CBLB: variants seen among roughly 807,000 people sequenced by gnomAD.
The protein encoded by CBLB is Cbl proto-oncogene B, also known as E3 ubiquitin-protein ligase CBL-B.
In CBLB, 31 loss-of-function variants were observed where a neutral mutation model predicts 104.9. The ratio of observed to expected loss-of-function variants is 0.30; its 90% CI spans 0.22 to 0.40. The LOEUF is 0.40. Ranked by LOEUF, CBLB falls within the 10% of genes least tolerant of loss-of-function variation. The probability of loss-of-function intolerance (pLI) is 1.00; values close to 1 mark genes in which losing one functional copy is unlikely to be tolerated. For missense variants in CBLB, 1,062 were observed against 1,214.6 expected, an observed-to-expected ratio of 0.87 and a Z score of 1.87; for synonymous variants, 440 against 422.6, an observed-to-expected ratio of 1.04 and a Z score of -0.51.
At chr3:105,665,404 A>ATGT (rs1559733767) in intron 18 of CBLB, among the ~76,000 whole-genome samples, 1 of 62,488 alleles carries the variant, frequency 1.6e-5, no homozygotes, top group African/African-American at 6.0e-5. Context: ...TAAATAAATA[A>ATGT]ATAAATAAAT....
At chr3:105,757,185 T>G (rs186354701) in intron 4 of CBLB, among the ~76,000 whole-genome samples, 26 of 152,296 alleles carry the variant, frequency 1.7e-4, no homozygotes, top group Non-Finnish European at 1.9e-4. Flanking sequence ...GTTAGGTTGT[T>G]TTAGCAGTGC....
At chr3:105,707,172 C>A (rs1576493679) in intron 10 of CBLB, among the ~76,000 whole-genome samples, 1 of 152,136 alleles carries the variant, frequency 6.6e-6, no homozygotes, top group African/African-American at 2.4e-5. Flanking sequence ...AAAGTAATAA[C>A]CTTGAACTTT....
At position 105,681,814 on chromosome 3, in the gene CBLB, A is replaced by G; in HGVS notation, c.2206T>C (p.Cys736Arg). The part of the protein sequence containing the change: ...CHNVKPPVRS[C>R]DNGHCMLNGT... ...TTCAGCATACAGTGACCATTATCAC[A>G]AGACCTAAAGGACAGTTCAGAGTAA... Residue 736 changes from cysteine (C) to arginine (R), a missense_variant, in exon 15 of 19, where the codon TGT (cysteine) becomes CGT (arginine). This residue lies in a region of CBLB where 605 missense variants were observed against 582.6 expected (regional missense o/e 1.04). Transcript: ENST00000394030. 1.9e-6 allele frequency: 3 copies of G among 1,586,886 alleles called. No individual in the cohort carries two copies. Among genetic ancestry groups the G allele is most frequent in the Non-Finnish European group, 2.6e-6 (3 of 1,155,822 alleles).
At chr3:105,815,351 G>C (rs115123903) in intron 3 of CBLB, among the ~76,000 whole-genome samples, 193 of 152,210 alleles carry the variant, frequency 1.3e-3, no homozygotes, top group South Asian at 2.1e-3. Flanking sequence ...AGGATGATTA[G>C]CAAAAAACAC....
intron 9 of CBLB, among the ~76,000 whole-genome samples, chr3:105,721,020 C>T (rs1243333935): frequency 2.6e-5 from 4 of 152,192 alleles, no homozygotes; most frequent in Non-Finnish European, 1.5e-5. Context: ...ATTAAAAATT[C>T]ACAATTTGCA....
At chr3:105,843,166 T>G (rs1028338071) in intron 3 of CBLB, among the ~76,000 whole-genome samples, 1 of 152,238 alleles carries the variant, frequency 6.6e-6, no homozygotes, top group Admixed American at 6.5e-5. Context: ...TCTGGCTCTG[T>G]ACAGTTTGCT....
chr3:105,739,325 T>C (rs2075287740), intron 7 of CBLB, among the ~76,000 whole-genome samples: 3 of 152,236 alleles, frequency 2.0e-5, no homozygotes, highest in Non-Finnish European at 2.9e-5. Context: ...ACTCAAATCA[T>C]TTGCTCTTTG....
intron 2 of CBLB, among the ~76,000 whole-genome samples, chr3:105,859,098 C>T (rs372235510): frequency 7.2e-5 from 11 of 152,108 alleles, no homozygotes; most frequent in East Asian, 1.9e-4. Context: ...TTTCTGACTG[C>T]GCCTTAATTA....
chr3:105,831,062 G>C (rs966955820), intron 3 of CBLB, among the ~76,000 whole-genome samples: 12 of 152,016 alleles, frequency 7.9e-5, no homozygotes, highest in Non-Finnish European at 5.9e-5. Flanking sequence ...TTCCTTTCTT[G>C]TTTTATTTTT....
intron 8 of CBLB, among the ~76,000 whole-genome samples, chr3:105,735,415 AGGAAAAATAT>A (rs2074805965): frequency 6.6e-6 from 1 of 152,238 alleles, no homozygotes; most frequent in Non-Finnish European, 1.5e-5. Flanking sequence ...GACTGTCCAA[AGGAAAAATAT>A]GCAATTATAA....
Position 105,798,534 on chromosome 3 carries a change from A to G in CBLB, c.420-21992T>C, listed in dbSNP as rs372232537. 1.8e-3 allele frequency among the ~76,000 whole-genome samples: 268 copies of G among 152,338 alleles called. 1 individual carries two copies. The highest frequency in any genetic ancestry group is 4.8e-3 in the African/African-American group (199 of 41,576). The stretch of plus-strand genomic sequence containing the variant: ...AAGGCATTATCTTCCCTTACAAATC[A>G]TTAACAAAAACATCTGATCATACAG... On this transcript the variant is annotated intron_variant, in intron 3 of 18. Transcript: ENST00000394030.
intron 9 of CBLB, among the ~76,000 whole-genome samples, chr3:105,728,320 T>C (rs747390358): frequency 7.9e-5 from 12 of 152,046 alleles, no homozygotes; most frequent in Non-Finnish European, 1.6e-4. Flanking sequence ...GCACCAATAA[T>C]AGACAAACAG....
In CBLB at chr3:105,702,204, G is replaced by A. The variant is rs2069236097; in HGVS notation, c.1849C>T (p.Pro617Ser). The A allele has an allele frequency of 6.2e-7, 1 of 1,614,116 alleles. No individual in the cohort carries two copies. The highest frequency in any genetic ancestry group is 1.1e-5 in the South Asian group (1 of 91,076). Residue 617 changes from proline to serine, a missense_variant, in exon 12 of 19, where the codon CCT (proline) becomes TCT (serine). By Grantham distance (74) the Pro-to-Ser change is moderately conservative. This residue lies in a region of CBLB where 605 missense variants were observed against 582.6 expected (regional missense o/e 1.04). Transcript: ENST00000394030. ...ACATTTGAACTCGCTGTGATTCCAG[G>A]TTTTGGAGAGCCCTCCCCTAGGAGT... ...CRLLGEGSPK[P>S]GITASSNVNG... is the part of the protein sequence containing the mutation.
rs1189087233 is a variant in CBLB at position 105,776,411 on chromosome 3, T to C, written c.551A>G (p.Lys184Arg). 1.2e-6 allele frequency: 2 copies of C among 1,613,654 alleles called. No homozygotes were observed. Among genetic ancestry groups the C allele is most frequent in the Admixed American group, 3.3e-5 (2 of 60,008 alleles). ...TTTTACTTACTTGTCTCCAAAAAAC[T>C]TTCTCCAGAATTCAGCAGCATCTGC... ...TKADAAEFWRKFFGDKTIVPW... is the reference protein window; with the variant it reads ...TKADAAEFWRRFFGDKTIVPW... Residue 184 changes from lysine (K) to arginine (R), a missense_variant, in exon 4 of 19, where the codon AAG (lysine) becomes AGG (arginine). Physicochemically the swap from Lys to Arg is conservative, Grantham distance 26. Around this residue, in one of 2 missense-constraint regions of CBLB, gnomAD observed 457 missense variants for 632.0 expected, o/e 0.72. Transcript: ENST00000394030.
At chr3:105,807,836 C>G (rs895696633) in intron 3 of CBLB, among the ~76,000 whole-genome samples, 6 of 152,108 alleles carry the variant, frequency 3.9e-5, no homozygotes, top group African/African-American at 1.4e-4. Flanking sequence ...GGTGTAACTC[C>G]ATGAATTATT....
intron 10 of CBLB, among the ~76,000 whole-genome samples, chr3:105,712,122 T>C (rs1174298592): frequency 6.6e-6 from 1 of 152,190 alleles, no homozygotes; most frequent in Non-Finnish European, 1.5e-5. Flanking sequence ...TTGAAGTACC[T>C]TCTTATGAGA....
intron 3 of CBLB, among the ~76,000 whole-genome samples, chr3:105,817,845 A>G (rs1168466526): frequency 3.3e-5 from 5 of 152,224 alleles, no homozygotes; most frequent in African/African-American, 1.2e-4. Context: ...GGTGTTATAT[A>G]AATACACGTA....
At chr3:105,665,128 C>T (rs552721615) in intron 18 of CBLB, among the ~76,000 whole-genome samples, 10 of 152,000 alleles carry the variant, frequency 6.6e-5, no homozygotes, top group Admixed American at 3.9e-4. Context: ...TCAGGCCAGG[C>T]GCAGTGGCTC....
intron 3 of CBLB, among the ~76,000 whole-genome samples, chr3:105,823,960 C>A (rs768635323): frequency 5.3e-5 from 8 of 152,174 alleles, no homozygotes; most frequent in Non-Finnish European, 1.0e-4. Flanking sequence ...CTATTTTATT[C>A]TTTAAAAGAA....
Sources: allele counts gnomAD v4.1 joint callset (sites outside exome capture counted in the v4.1 genomes callset), GRCh38; gene constraint gnomAD v4.1.1; regional missense constraint gnomAD v4.1.1; transcripts MANE v1.5; gene names NCBI Gene and HGNC (gene_info 2026-07-23, HGNC 2026-07-21).